Variants in FAM117A observed in about 807,000 individuals in gnomAD.
FAM117A encodes the protein protein FAM117A.
A neutral mutation model predicts 44.1 loss-of-function variants in FAM117A; 21 were observed. The observed-to-expected ratio is 0.48, with a 90% confidence interval of 0.34 to 0.69. FAM117A has a LOEUF of 0.69. FAM117A is among the 30% of genes least tolerant of loss of function. FAM117A has a pLI of 0.01. For synonymous variants in FAM117A, 220 were observed against 238.3 expected (o/e 0.92, Z 0.71); for missense variants, 498 against 589.9 (o/e 0.84, Z 1.61).
chr17:49,715,117 C>G (rs937754080), intron 7 of FAM117A, among the ~76,000 whole-genome samples: 1 of 152,146 alleles, frequency 6.6e-6, no homozygotes, highest in African/African-American at 2.4e-5. Context: ...AGGGAGGGTA[C>G]AAGAGTCTAG....
At position 49,725,066 on chromosome 17, in the gene FAM117A, G is replaced by A. The variant is rs115052997; in HGVS notation, c.367-2472C>T. 5.9e-3 allele frequency among the ~76,000 whole-genome samples: 890 copies of A among 152,032 alleles called. 13 individuals carry two copies. Among genetic ancestry groups the A allele is most frequent in the African/African-American group, 0.02 (829 of 41,444 alleles). On this transcript the variant is annotated intron_variant, in intron 2 of 7. Transcript: ENST00000240364. ...TTCACCATCTGACCCTTCATCCCACGGGCTCTCCATCCTTGGCTCTCTGTC... is the reference window on the plus strand; with the variant it reads ...TTCACCATCTGACCCTTCATCCCACAGGCTCTCCATCCTTGGCTCTCTGTC...
At chr17:49,722,357 G>A in intron 3 of FAM117A, 142 bp downstream of exon 3, 1 of 661,660 alleles carries the variant, frequency 1.5e-6, no homozygotes, top group Non-Finnish European at 2.6e-6. Context: ...CAGCTAGGAA[G>A]GAGCCATCTC....
intron 1 of FAM117A, among the ~76,000 whole-genome samples, chr17:49,785,629 C>T (rs2073803487): frequency 6.6e-6 from 1 of 152,194 alleles, no homozygotes; most frequent in East Asian, 1.9e-4. Context: ...ACTAGTACAG[C>T]TGATGATACA....
At chr17:49,732,869 C>T in intron 1 of FAM117A, 149 bp from the exon 2 acceptor site, 1 of 798,918 alleles carries the variant, frequency 1.3e-6, no homozygotes, top group Admixed American at 2.5e-5. Flanking sequence ...CAGCCTGAAA[C>T]AGCACATATG....
At chr17:49,763,341 A>C (rs2073730078) in intron 1 of FAM117A, among the ~76,000 whole-genome samples, 1 of 152,088 alleles carries the variant, frequency 6.6e-6, no homozygotes, top group African/African-American at 2.4e-5. Flanking sequence ...AGGAGGTGGC[A>C]TAAAGGGAAG....
At chr17:49,717,910 A>G (rs944374004) in intron 5 of FAM117A, 196 bp from the exon 6 acceptor site, 6 of 521,238 alleles carry the variant, frequency 1.2e-5, no homozygotes, top group Non-Finnish European at 2.0e-5. Context: ...TTTCTTCCAT[A>G]GCACTTTGCT....
At chr17:49,767,391 T>C (rs1007593712), upstream of FAM117A, among the ~76,000 whole-genome samples, 2 of 152,222 alleles carry the variant, frequency 1.3e-5, no homozygotes, top group South Asian at 4.1e-4. Flanking sequence ...CACAAATTTA[T>C]TGAAATGAAC....
At chr17:49,764,147 G>C, upstream of FAM117A, 1 of 858,994 alleles carries the variant, frequency 1.2e-6, no homozygotes, top group Non-Finnish European at 1.6e-6. Flanking sequence ...CCCAACCCCC[G>C]AGGCCGCTGC....
At chr17:49,776,832 A>T (rs953889263) in intron 1 of FAM117A, among the ~76,000 whole-genome samples, 1 of 152,168 alleles carries the variant, frequency 6.6e-6, no homozygotes, top group Non-Finnish European at 1.5e-5. Flanking sequence ...GTCAAAAGGG[A>T]AGCTGCAAGA....
chr17:49,760,553 G>C (rs187344552), intron 1 of FAM117A, among the ~76,000 whole-genome samples: 1 of 152,196 alleles, frequency 6.6e-6, no homozygotes, highest in Non-Finnish European at 1.5e-5. Flanking sequence ...CCAATCCCTG[G>C]TTAAAGAAGG....
chr17:49,715,901 G>A (rs986053776), intron 7 of FAM117A, among the ~76,000 whole-genome samples: 3 of 152,198 alleles, frequency 2.0e-5, no homozygotes, highest in Non-Finnish European at 2.9e-5. Context: ...AAGGGCTTAG[G>A]TTTCAGATAT....
chr17:49,741,533 C>A (rs1186476301), intron 1 of FAM117A, among the ~76,000 whole-genome samples: 1 of 151,976 alleles, frequency 6.6e-6, no homozygotes, highest in Non-Finnish European at 1.5e-5. Context: ...TTTTTTCAGT[C>A]AGTGATCTTC....
intron 1 of FAM117A, among the ~76,000 whole-genome samples, chr17:49,780,988 G>A (rs2073788043): frequency 6.6e-6 from 1 of 152,100 alleles, no homozygotes; most frequent in Non-Finnish European, 1.5e-5. Flanking sequence ...CCACCACCAT[G>A]CCCGGCTAAT....
chr17:49,724,822 G>GAAAAAAAAAAAAAAAAAGAAAAAA (rs2073552289), intron 2 of FAM117A, among the ~76,000 whole-genome samples: 1 of 43,566 alleles, frequency 2.3e-5, no homozygotes, highest in Non-Finnish European at 5.5e-5. Flanking sequence ...ACAGTCTCAA[G>GAAAAAAAAAAAAAAAAAGAAAAAA]AAAAAAAAAA....
At chr17:49,734,003 C>A (rs1329637827) in intron 1 of FAM117A, among the ~76,000 whole-genome samples, 1 of 151,686 alleles carries the variant, frequency 6.6e-6, no homozygotes, top group Non-Finnish European at 1.5e-5. Flanking sequence ...ATTAGCCAGG[C>A]GTGGTGGCAG....
intron 1 of FAM117A, among the ~76,000 whole-genome samples, chr17:49,755,406 T>C (rs186805278): frequency 2.0e-5 from 3 of 152,328 alleles, no homozygotes; most frequent in African/African-American, 7.2e-5. Flanking sequence ...GGCAAAAATC[T>C]ACCTGGAGTG....
intron 1 of FAM117A, among the ~76,000 whole-genome samples, chr17:49,787,047 G>A (rs1325750086): frequency 1.3e-5 from 2 of 152,008 alleles, no homozygotes; most frequent in African/African-American, 4.8e-5. Context: ...TCCAGCCATT[G>A]CACTCCAGCC....
intron 7 of FAM117A, 50 bp from the exon 8 acceptor site, chr17:49,711,605 A>C: frequency 6.4e-7 from 1 of 1,555,850 alleles, no homozygotes; most frequent in Non-Finnish European, 8.8e-7. Flanking sequence ...CACAGAGAGA[A>C]ACAGACAGCG....
At chr17:49,741,455 T>A (rs1422395630) in intron 1 of FAM117A, among the ~76,000 whole-genome samples, 1 of 152,236 alleles carries the variant, frequency 6.6e-6, no homozygotes, top group Non-Finnish European at 1.5e-5. Flanking sequence ...TCTCTCTCCA[T>A]GCACGAGCCT....
Sources: allele counts gnomAD v4.1 joint callset (sites outside exome capture counted in the v4.1 genomes callset), GRCh38; gene constraint gnomAD v4.1.1; transcripts MANE v1.5; gene names NCBI Gene and HGNC (gene_info 2026-07-23, HGNC 2026-07-21).